Variants in NOL4 observed in about 807,000 individuals in gnomAD.
NOL4 encodes the protein nucleolar protein 4.
In NOL4, 17 loss-of-function variants were observed where a neutral mutation model predicts 75.9. The observed-to-expected ratio is 0.22, with a 90% CI of 0.15 to 0.34. The LOEUF is 0.34. Among genes scored for constraint, NOL4 ranks in the 10% least tolerant of loss-of-function variants. NOL4 has a pLI of 1.00. For synonymous variants in NOL4, 292 were observed against 289.9 expected, an observed-to-expected ratio of 1.01 and a Z score of -0.07; for missense variants, 614 against 793.5, an observed-to-expected ratio of 0.77 and a Z score of 2.72.
rs1246011703 is a variant in NOL4 at position 34,019,526 on chromosome 18, C to T, written c.848G>A (p.Ser283Asn). ...ACTGTTGGAGTCTCCCATCTCCCTG[C>T]TGTGTGTTCCCCCTGAAGCAATTGA... is the stretch of plus-strand genomic sequence containing the variant. ...HSSIASGGTHSREMGDSNSDG... is the reference protein window; with the variant it reads ...HSSIASGGTHNREMGDSNSDG... The change falls in exon 6 of 11, where the codon AGC becomes AAC. Residue 283 changes from serine (S) to asparagine (N), a missense_variant. This residue lies in a region of NOL4 where 196 missense variants were observed against 167.9 expected (regional missense o/e 1.17). Transcript: ENST00000261592. 4 of 1,614,028 alleles carry T rather than the reference C, an allele frequency of 2.5e-6. No individual in the cohort carries two copies. The highest frequency in any genetic ancestry group is 4.5e-5 in the East Asian group (2 of 44,828).
intron 5 of NOL4, among the ~76,000 whole-genome samples, chr18:34,046,179 T>C (rs142416769): frequency 6.6e-6 from 1 of 152,230 alleles, no homozygotes; most frequent in African/African-American, 2.4e-5. Context: ...CTTGGCGACC[T>C]GAAGATTTTT....
At chr18:33,860,689 A>T (rs2144254504) in intron 10 of NOL4, among the ~76,000 whole-genome samples, 1 of 152,050 alleles carries the variant, frequency 6.6e-6, no homozygotes, top group East Asian at 1.9e-4. Flanking sequence ...GAGTGGTGAG[A>T]GAGGGCATCC....
intron 10 of NOL4, among the ~76,000 whole-genome samples, chr18:33,860,705 T>G (rs2063076251): frequency 6.6e-6 from 1 of 152,010 alleles, no homozygotes; most frequent in Non-Finnish European, 1.5e-5. Context: ...CATCCCTGTC[T>G]TGTGCCAGTT....
At chr18:34,120,409 C>A (rs1435350645) in intron 2 of NOL4, among the ~76,000 whole-genome samples, 12 of 152,012 alleles carry the variant, frequency 7.9e-5, no homozygotes, top group Admixed American at 7.9e-4. Context: ...TGATCACAGC[C>A]CACTAAATTA....
At chr18:33,937,877 G>A (rs1388098338) in intron 9 of NOL4, among the ~76,000 whole-genome samples, 2 of 152,180 alleles carry the variant, frequency 1.3e-5, no homozygotes, top group Admixed American at 6.6e-5. Flanking sequence ...GAAGTTTGTA[G>A]CCTTTTTTAG....
At chr18:33,861,030 G>T (rs1218577360) in intron 10 of NOL4, among the ~76,000 whole-genome samples, 13 of 152,264 alleles carry the variant, frequency 8.5e-5, no homozygotes, top group Admixed American at 2.0e-4. Context: ...GCTGGATTCG[G>T]TTTGCCAGTA....
At chr18:34,088,390 A>G (rs2078346732) in intron 5 of NOL4, among the ~76,000 whole-genome samples, 1 of 152,118 alleles carries the variant, frequency 6.6e-6, no homozygotes, top group Admixed American at 6.6e-5. Flanking sequence ...CCATGCTTCC[A>G]TAAATGACTA....
At chr18:33,992,229 G>T in intron 6 of NOL4, among the ~76,000 whole-genome samples, 1 of 151,754 alleles carries the variant, frequency 6.6e-6, no homozygotes. Flanking sequence ...TTTTTCTTTT[G>T]TAGTCTAAAT....
chr18:34,213,987 A>G (rs548077312), intron 1 of NOL4, among the ~76,000 whole-genome samples: 59 of 152,212 alleles, frequency 3.9e-4, no homozygotes, highest in Non-Finnish European at 8.1e-4. Flanking sequence ...TTGAGTTTTT[A>G]GTAGGATTTC....
chr18:34,113,005 G>T (rs11874351), intron 2 of NOL4, among the ~76,000 whole-genome samples: 1 of 152,138 alleles, frequency 6.6e-6, no homozygotes, highest in Non-Finnish European at 1.5e-5. Context: ...GGGTCACAGG[G>T]TCTCTTTCTA....
At chr18:34,028,771 G>A (rs545310706) in intron 5 of NOL4, among the ~76,000 whole-genome samples, 71 of 152,296 alleles carry the variant, frequency 4.7e-4, no homozygotes, top group Non-Finnish European at 8.1e-4. Context: ...CATTTGCATG[G>A]TAAAATTTGA....
At chr18:33,993,809 T>C (rs899762872) in intron 6 of NOL4, among the ~76,000 whole-genome samples, 1 of 151,562 alleles carries the variant, frequency 6.6e-6, no homozygotes, top group African/African-American at 2.4e-5. Context: ...GTATAGTGAT[T>C]GTAATAAAAA....
intron 6 of NOL4, among the ~76,000 whole-genome samples, chr18:33,997,070 T>A (rs893287966): frequency 6.6e-6 from 1 of 151,988 alleles, no homozygotes; most frequent in African/African-American, 2.4e-5. Flanking sequence ...GATAATTTAT[T>A]TTGCTGTGCA....
At chr18:34,011,537 C>G (rs1568212186) in intron 6 of NOL4, among the ~76,000 whole-genome samples, 1 of 151,672 alleles carries the variant, frequency 6.6e-6, no homozygotes, top group Non-Finnish European at 1.5e-5. Context: ...CCACTATTCT[C>G]AAGGCATCTA....
rs921260851 is a variant in NOL4 at position 34,105,066 on chromosome 18, T to C, written c.509A>G (p.Asp170Gly). 47 of 1,608,200 alleles carry C rather than the reference T, an allele frequency of 2.9e-5. No individual in the cohort carries two copies. Among genetic ancestry groups the C allele is most frequent in the Non-Finnish European group, 3.8e-5 (45 of 1,175,062 alleles). The change falls in exon 3 of 11, where the codon GAT (aspartate) becomes GGT (glycine). Residue 170 changes from aspartate (D) to glycine (G), a missense_variant. By Grantham distance (94) the Asp-to-Gly change is moderately conservative. Transcript: ENST00000261592. ...GCAGCTACCTTTATGATCTGTTCCA[T>C]CTGGGTTTAAATGCATTCTTTTCTG... ...ECQKRMHLNP[D>G]GTDHKDNGKP... is the part of the protein sequence containing the mutation.
intron 1 of NOL4, among the ~76,000 whole-genome samples, chr18:34,217,634 T>C (rs2036997316): frequency 6.6e-6 from 1 of 152,138 alleles, no homozygotes; most frequent in Non-Finnish European, 1.5e-5. Context: ...TCATAAAATA[T>C]ACCTAATTAT....
At chr18:33,902,307 T>C (rs2065791359) in intron 9 of NOL4, among the ~76,000 whole-genome samples, 1 of 152,150 alleles carries the variant, frequency 6.6e-6, no homozygotes, top group African/African-American at 2.4e-5. Flanking sequence ...TGAAAACTTT[T>C]CAGATTCATA....
chr18:34,135,083 T>C (rs887446006), intron 1 of NOL4, among the ~76,000 whole-genome samples: 4 of 151,022 alleles, frequency 2.6e-5, no homozygotes, highest in Non-Finnish European at 3.0e-5. Flanking sequence ...AAATGGAGAG[T>C]AGAAAACAAT....
intron 5 of NOL4, among the ~76,000 whole-genome samples, chr18:34,019,944 T>C (rs1235811082): frequency 3.3e-5 from 5 of 151,798 alleles, no homozygotes; most frequent in African/African-American, 7.3e-5. Flanking sequence ...TGGGAGTTCA[T>C]AGGAGAGCTA....
Sources: gnomAD v4.1 joint callset for allele counts (sites outside exome capture counted in the v4.1 genomes callset) on GRCh38, gnomAD v4.1.1 for gene constraint, gnomAD v4.1.1 regional missense constraint, MANE v1.5 for transcripts, NCBI Gene and HGNC (gene_info 2026-07-23, HGNC 2026-07-21) for gene names.